Variants in ATG10 observed in about 807,000 individuals in gnomAD.
ATG10 encodes autophagy related 10, also known as ubiquitin-like-conjugating enzyme ATG10.
Under a neutral mutation model 32.1 loss-of-function variants are expected in ATG10, and 30 were observed. The observed-to-expected ratio is 0.94, with a 90% CI of 0.70 to 1.27. The LOEUF is 1.27. Among genes scored for constraint, ATG10 ranks in the 50% most tolerant of loss-of-function variants. ATG10 has a pLI of 0.00. For missense variants in ATG10, 233 were observed against 262.3 expected (o/e 0.89, Z 0.77); for synonymous variants, 87 against 91.5 (o/e 0.95, Z 0.28).
At chr5:82,157,152 TCTCA>T (rs1314419580) in intron 3 of ATG10, among the ~76,000 whole-genome samples, 1 of 152,146 alleles carries the variant, frequency 6.6e-6, no homozygotes, top group Non-Finnish European at 1.5e-5. Flanking sequence ...AGATTCTTCC[TCTCA>T]GTGGGAACCC....
intron 3 of ATG10, among the ~76,000 whole-genome samples, chr5:82,097,004 G>A (rs1712253542): frequency 1.3e-5 from 2 of 152,072 alleles, no homozygotes; most frequent in African/African-American, 4.8e-5. Context: ...GCTTAGTAGT[G>A]TGTGCATTGT....
At chr5:82,036,736 G>C (rs777898248) in intron 2 of ATG10, among the ~76,000 whole-genome samples, 2 of 152,002 alleles carry the variant, frequency 1.3e-5, no homozygotes, top group African/African-American at 2.4e-5. Flanking sequence ...TAAAAAACTT[G>C]TTGGGATTTT....
chr5:82,110,363 A>G (rs1276558796), intron 3 of ATG10, among the ~76,000 whole-genome samples: 10 of 152,140 alleles, frequency 6.6e-5, no homozygotes, highest in Admixed American at 6.6e-5. Flanking sequence ...TAGATCCCTG[A>G]GGCATTGCCA....
chr5:82,058,337 G>A (rs184236370), intron 2 of ATG10, among the ~76,000 whole-genome samples, 158 bp from the exon 3 acceptor site: 23 of 152,224 alleles, frequency 1.5e-4, no homozygotes, highest in South Asian at 8.3e-4. Context: ...TACTTACTAC[G>A]TACAGGGTGT....
chr5:82,138,307 G>T (rs1766854693), intron 3 of ATG10, among the ~76,000 whole-genome samples: 1 of 152,208 alleles, frequency 6.6e-6, no homozygotes, highest in Non-Finnish European at 1.5e-5. Flanking sequence ...CTTGGTGTCT[G>T]CCCAAATGGC....
chr5:82,084,111 A>T (rs1285164980), intron 3 of ATG10, among the ~76,000 whole-genome samples: 1 of 152,208 alleles, frequency 6.6e-6, no homozygotes. Flanking sequence ...GGCTAACTAG[A>T]ATAAACAGTG....
chr5:82,013,198 G>A (rs1217905660), intron 2 of ATG10, among the ~76,000 whole-genome samples: 3 of 152,056 alleles, frequency 2.0e-5, no homozygotes, highest in African/African-American at 4.8e-5. Context: ...TGATCTGCCC[G>A]CCTTGGCCTC....
chr5:82,171,312 T>C (rs898402590), intron 4 of ATG10, among the ~76,000 whole-genome samples: 5 of 152,244 alleles, frequency 3.3e-5, no homozygotes, highest in African/African-American at 1.2e-4. Flanking sequence ...CACATAAACT[T>C]TCTCATGTAA....
intron 3 of ATG10, among the ~76,000 whole-genome samples, chr5:82,115,200 G>A (rs1043974896): frequency 1.3e-5 from 2 of 151,982 alleles, no homozygotes; most frequent in Non-Finnish European, 2.9e-5. Context: ...TTTAAAAGGC[G>A]TTTTTGAGGC....
intron 5 of ATG10, among the ~76,000 whole-genome samples, chr5:82,227,133 A>G (rs1746163330): frequency 1.3e-5 from 2 of 152,154 alleles, no homozygotes; most frequent in African/African-American, 4.8e-5. Flanking sequence ...CTATTCCTAT[A>G]TGCCCCCTCT....
intron 3 of ATG10, among the ~76,000 whole-genome samples, chr5:82,161,178 C>G (rs572430309): frequency 4.7e-4 from 72 of 152,174 alleles, no homozygotes; most frequent in African/African-American, 1.7e-3. Flanking sequence ...CAGACACAAA[C>G]CAAGGATTCA....
intron 1 of ATG10, among the ~76,000 whole-genome samples, chr5:81,980,956 C>T (rs1007957782): frequency 1.3e-5 from 2 of 152,130 alleles, no homozygotes; most frequent in African/African-American, 4.8e-5. Context: ...GCCTCAGCTA[C>T]CAACAGAGAT....
intron 5 of ATG10, among the ~76,000 whole-genome samples, chr5:82,192,095 C>T (rs1195932037): frequency 2.6e-5 from 4 of 152,194 alleles, no homozygotes; most frequent in Admixed American, 6.5e-5. Context: ...AGGTTGTCTA[C>T]GTGACCTTCA....
chr5:82,039,684 A>G (rs74396097), intron 2 of ATG10, among the ~76,000 whole-genome samples: 2,648 of 152,338 alleles, frequency 0.017, 61 homozygotes, highest in African/African-American at 0.059. Context: ...AAACATTAAC[A>G]CCCAAGTGTA....
At chr5:82,015,980 G>A (rs923253451) in intron 2 of ATG10, among the ~76,000 whole-genome samples, 6 of 152,160 alleles carry the variant, frequency 3.9e-5, no homozygotes, top group Non-Finnish European at 8.8e-5. Flanking sequence ...CTTTGATGAT[G>A]GTGACGTACA....
chr5:82,114,923 A>G (rs1765743135), intron 3 of ATG10, among the ~76,000 whole-genome samples: 1 of 152,108 alleles, frequency 6.6e-6, no homozygotes, highest in African/African-American at 2.4e-5. Flanking sequence ...GATCGCTACT[A>G]GCCCATGTAG....
At position 82,129,129 on chromosome 5, in the gene ATG10, G is replaced by A. The variant is rs1175614683; in HGVS notation, c.217-35270G>A. ...ATCTCTGATATCCTTTCTTCTGCTTGATTGATTCAGCCTTTGATACCTTTG... is the reference window on the plus strand; with the variant it reads ...ATCTCTGATATCCTTTCTTCTGCTTAATTGATTCAGCCTTTGATACCTTTG... On this transcript the variant is annotated intron_variant, in intron 3 of 7. Transcript: ENST00000282185. Among the ~76,000 whole-genome samples the A allele has an allele frequency of 2.6e-5, 4 of 151,418 alleles. 1 individual carries two copies. In the East Asian group the frequency reaches 7.9e-4, roughly 30 times the overall value.
chr5:82,249,094 G>A (rs1486090574), intron 5 of ATG10, among the ~76,000 whole-genome samples: 7 of 152,020 alleles, frequency 4.6e-5, no homozygotes, highest in African/African-American at 1.7e-4. Flanking sequence ...AACCTTAAAT[G>A]CTAATATGAC....
At chr5:82,044,167 G>A (rs1480923778) in intron 2 of ATG10, among the ~76,000 whole-genome samples, 1 of 152,118 alleles carries the variant, frequency 6.6e-6, no homozygotes, top group Non-Finnish European at 1.5e-5. Context: ...GAAACTTACA[G>A]TCATGGGGGA....
Sources: gnomAD v4.1 joint callset for allele counts (sites outside exome capture counted in the v4.1 genomes callset) on GRCh38, gnomAD v4.1.1 for gene constraint, MANE v1.5 for transcripts, NCBI Gene and HGNC (gene_info 2026-07-23, HGNC 2026-07-21) for gene names.